Variants in NTRK3 observed in about 807,000 individuals in gnomAD.
NTRK3 encodes the protein neurotrophic receptor tyrosine kinase 3, also known as NT-3 growth factor receptor.
In NTRK3, 24 loss-of-function variants were observed where a neutral mutation model predicts 91.7. That is an observed-to-expected ratio of 0.26 (90% confidence interval 0.19 to 0.37). The LOEUF is 0.37. Ranked by LOEUF, NTRK3 falls within the 10% of genes least tolerant of loss-of-function variation. The pLI, the probability that NTRK3 is intolerant of heterozygous loss-of-function variation, is 1.00. For synonymous variants in NTRK3, 483 were observed against 404.0 expected, an observed-to-expected ratio of 1.20 and a Z score of -2.34; for missense variants, 880 against 1,068.9, an observed-to-expected ratio of 0.82 and a Z score of 2.46.
chr15:88,107,182 T>C (rs7169591), intron 13 of NTRK3, among the ~76,000 whole-genome samples: 97,531 of 151,950 alleles, frequency 0.64, 33,142 homozygotes, highest in African/African-American at 0.88. Context: ...AGTGCTCACA[T>C]GTGTAATCCC....
At chr15:87,889,895 C>T (rs2065760826) in intron 17 of NTRK3, among the ~76,000 whole-genome samples, 1 of 152,042 alleles carries the variant, frequency 6.6e-6, no homozygotes, top group Non-Finnish European at 1.5e-5. Context: ...TTAGTAATGT[C>T]TCCTATGGTC....
chr15:88,009,415 A>G (rs1567222029), intron 14 of NTRK3, among the ~76,000 whole-genome samples: 1 of 152,220 alleles, frequency 6.6e-6, no homozygotes, highest in African/African-American at 2.4e-5. Context: ...GGGGAACACA[A>G]GCTCTGGAAA....
intron 13 of NTRK3, among the ~76,000 whole-genome samples, chr15:88,053,061 T>C (rs191958984): frequency 1.2e-3 from 182 of 152,342 alleles, no homozygotes; most frequent in African/African-American, 3.7e-3. Context: ...AGGAACCTAC[T>C]ATGTGCCAGA....
chr15:88,010,502 C>T (rs1455790976), intron 14 of NTRK3, among the ~76,000 whole-genome samples: 1 of 151,310 alleles, frequency 6.6e-6, no homozygotes, highest in African/African-American at 2.4e-5. Context: ...GTAATTTTTC[C>T]GGAAGAAAAG....
chr15:88,200,077 G>A (rs1030500642), intron 3 of NTRK3, among the ~76,000 whole-genome samples: 32 of 152,238 alleles, frequency 2.1e-4, no homozygotes, highest in Non-Finnish European at 5.9e-5. Flanking sequence ...GATAGTGGGT[G>A]ACCGTGAATA....
intron 14 of NTRK3, among the ~76,000 whole-genome samples, chr15:87,996,068 A>T (rs61135551): frequency 8.0e-4 from 122 of 151,980 alleles, no homozygotes; most frequent in African/African-American, 2.9e-3. Context: ...GCATGACGAA[A>T]CCCCATCTCT....
chr15:87,996,834 G>A (rs141646174), intron 14 of NTRK3, among the ~76,000 whole-genome samples: 66 of 152,328 alleles, frequency 4.3e-4, no homozygotes, highest in African/African-American at 1.4e-3. Flanking sequence ...ATCAGTGGAA[G>A]AACTGAGGTT....
At chr15:87,931,121 T>G in intron 16 of NTRK3, 1 of 451,042 alleles carries the variant, frequency 2.2e-6, no homozygotes, top group Admixed American at 2.6e-5. Flanking sequence ...GCTCTCACTC[T>G]TTATTTCCCT....
intron 14 of NTRK3, among the ~76,000 whole-genome samples, chr15:87,992,103 T>C (rs2075333450): frequency 6.6e-6 from 1 of 152,140 alleles, no homozygotes; most frequent in Admixed American, 6.6e-5. Context: ...TGTATTATTG[T>C]CCAATCATAT....
In NTRK3 at chr15:88,255,472, G is replaced by GCGCTGCCGCCGCTGCCACCGC. The variant is rs2053938821; in HGVS notation, c.248+413_248+433dup. Among the ~76,000 whole-genome samples the GCGCTGCCGCCGCTGCCACCGC allele has an allele frequency of 6.6e-6, 1 of 152,230 alleles. No homozygotes were observed. Among genetic ancestry groups the GCGCTGCCGCCGCTGCCACCGC allele is most frequent in the Non-Finnish European group, 1.5e-5 (1 of 68,036 alleles). On this transcript the variant is annotated intron_variant, in intron 3 of 18. Transcript: ENST00000394480. This position sits in a 1 kb window ranked among gnomAD's most constrained non-coding sequence, Gnocchi z 4.3. Reference sequence around the variant, plus strand: ...ATCTGTCACCTTCCCTGCCGGCTAAGCGCTGCCGCCGCTGCCACCGCCGCT... The same window carrying GCGCTGCCGCCGCTGCCACCGC: ...ATCTGTCACCTTCCCTGCCGGCTAAGCGCTGCCGCCGCTGCCACCGCCGCTGCCGCCGCTGCCACCGCCGCT...
intron 14 of NTRK3, chr15:87,978,151 T>A (rs1451994286): frequency 4.3e-6 from 1 of 230,532 alleles, no homozygotes; most frequent in Non-Finnish European, 8.6e-6. Context: ...CAAATGTGCC[T>A]TTCCTACTGA....
Position 88,134,297 on chromosome 15 carries a change from G to T in NTRK3, c.1204+804C>A, listed in dbSNP as rs2041665825. On this transcript the variant is annotated intron_variant, in intron 10 of 18. Coordinates refer to ENST00000394480, the Ensembl canonical transcript of NTRK3. Reference sequence around the variant, plus strand: ...ACAATCACTTTCACTAAACTCTTTTGGTGTTTTTTTCTCCTCCAACTTCAG... The same window carrying T: ...ACAATCACTTTCACTAAACTCTTTTTGTGTTTTTTTCTCCTCCAACTTCAG... Among the ~76,000 whole-genome samples the T allele has an allele frequency of 1.3e-5, 2 of 152,102 alleles. 1 individual carries two copies. Among genetic ancestry groups the T allele is most frequent in the South Asian group, 4.2e-4 (2 of 4,818 alleles).
chr15:87,879,999 T>C (rs1207325691), intron 18 of NTRK3, among the ~76,000 whole-genome samples: 1 of 152,234 alleles, frequency 6.6e-6, no homozygotes, highest in Non-Finnish European at 1.5e-5. Context: ...GTGAAACATT[T>C]GTGATTTTTA....
At chr15:88,131,942 A>C (rs2041398413) in intron 10 of NTRK3, 1 of 201,054 alleles carries the variant, frequency 5.0e-6, no homozygotes, top group South Asian at 1.9e-4. Context: ...ACACCAAGGA[A>C]CAATCTGGAC....
At chr15:87,898,185 A>G (rs1194407998) in intron 17 of NTRK3, among the ~76,000 whole-genome samples, 2 of 152,224 alleles carry the variant, frequency 1.3e-5, no homozygotes, top group East Asian at 1.9e-4. Context: ...ATTCTGCCCA[A>G]TTACCCTTAC....
intron 14 of NTRK3, among the ~76,000 whole-genome samples, chr15:88,017,395 C>A (rs999006759): frequency 5.3e-5 from 8 of 152,200 alleles, no homozygotes; most frequent in African/African-American, 9.6e-5. Context: ...AGCTAAGCAT[C>A]CATGAAGGCT....
chr15:88,065,116 G>A (rs971330759), intron 13 of NTRK3, among the ~76,000 whole-genome samples: 2 of 152,032 alleles, frequency 1.3e-5, no homozygotes, highest in Non-Finnish European at 2.9e-5. Flanking sequence ...ACCAATTCAA[G>A]CTCCAGGATT....
At chr15:87,919,324 A>C (rs985528760) in intron 17 of NTRK3, among the ~76,000 whole-genome samples, 5 of 152,170 alleles carry the variant, frequency 3.3e-5, no homozygotes, top group Admixed American at 2.6e-4. Context: ...TCCCAGGACT[A>C]ATATCCTCAG....
chr15:88,235,002 ACTGT>A lies in NTRK3; in HGVS notation c.248+20900_248+20903del, dbSNP rs1319469453. Among the ~76,000 whole-genome samples, 1 of 152,172 alleles carries A rather than the reference ACTGT, an allele frequency of 6.6e-6. No homozygotes were observed. The highest frequency in any genetic ancestry group is 1.5e-5 in the Non-Finnish European group (1 of 68,026). ...TGGCTCCAGTTCTCATGAAGCTCTGACTGTCTGTCACTGACAGATCGAAGCTGGA... is the reference window on the plus strand; with the variant it reads ...TGGCTCCAGTTCTCATGAAGCTCTGACTGTCACTGACAGATCGAAGCTGGA... On this transcript the variant is annotated intron_variant, in intron 3 of 18. Transcript: ENST00000394480. The surrounding 1 kb of genome is among the most constrained non-coding windows in gnomAD (Gnocchi z 5.2).
Sources: allele counts gnomAD v4.1 joint callset (sites outside exome capture counted in the v4.1 genomes callset), GRCh38; gene constraint gnomAD v4.1.1; non-coding constraint Gnocchi (gnomAD v3.1); transcripts MANE v1.5; gene names NCBI Gene and HGNC (gene_info 2026-07-23, HGNC 2026-07-21).